Variants in OVOL1 observed in about 807,000 individuals in gnomAD.
OVOL1 encodes the protein putative transcription factor Ovo-like 1.
In OVOL1, 10 loss-of-function variants were observed where a neutral mutation model predicts 21.5. The ratio of observed to expected loss-of-function variants is 0.46; its 90% CI spans 0.29 to 0.79. The LOEUF (loss-of-function observed/expected upper bound fraction) is 0.79, where lower values mean the gene tolerates loss of function less well. Among genes scored for constraint, OVOL1 ranks in the 30% least tolerant of loss-of-function variants. OVOL1 has a pLI of 0.10. For synonymous variants in OVOL1, 129 were observed against 150.3 expected (o/e 0.86, Z 1.03); for missense variants, 279 against 362.3 (o/e 0.77, Z 1.87).
At chr11:65,791,294 C>T (rs1858011947) in intron 1 of OVOL1, among the ~76,000 whole-genome samples, 1 of 152,176 alleles carries the variant, frequency 6.6e-6, no homozygotes, top group Non-Finnish European at 1.5e-5. Context: ...GGGGCACCAG[C>T]CCTTCCTGAT....
In OVOL1 at chr11:65,795,009, G is replaced by T. The variant is rs756274526; in HGVS notation, c.509-37G>T. 1 of 1,597,940 alleles carries T rather than the reference G, an allele frequency of 6.3e-7. No homozygotes were observed. The highest frequency in any genetic ancestry group is 8.5e-7 in the Non-Finnish European group (1 of 1,172,846). On this transcript the variant is annotated intron_variant, in intron 3 of 3. Transcript: ENST00000335987. This position sits in a 1 kb window ranked among gnomAD's most constrained non-coding sequence, Gnocchi z 5.7. Reference sequence around the variant, plus strand: ...GCAGCCGACAGCCTCTGAAGTCCCTGCCAGGTCTCTGATGCTGGCCCCTGT... The same window carrying T: ...GCAGCCGACAGCCTCTGAAGTCCCTTCCAGGTCTCTGATGCTGGCCCCTGT...
rs1364864634 is a variant in OVOL1, at chr11:65,796,866, C to A, written c.*1525C>A. ...CCTTAAAGCCAAACCCCACCTGAAG[C>A]AGAACCACTTTGGCCTCCCCTGCCC... On this transcript the variant is annotated 3_prime_UTR_variant, in exon 4 of 4. Coordinates refer to ENST00000335987, the MANE Select transcript of OVOL1 (RefSeq NM_004561.4). The A allele has an allele frequency of 6.6e-6, 1 of 152,338 alleles. No individual in the cohort carries two copies. Among genetic ancestry groups the A allele is most frequent in the Admixed American group, 6.5e-5 (1 of 15,290 alleles). 9.4% of individuals were successfully genotyped at this position (152,338 alleles called of 1,614,324 possible). A position where few individuals can be genotyped will look rare whatever the true frequency, so the allele number is the denominator to read the frequency against.
In OVOL1 at chr11:65,787,439, C is replaced by T; in HGVS notation, c.66C>T (p.Leu22=). The stretch of plus-strand genomic sequence containing the variant: ...CGTGCAAGAGGAACTGGAGCGAGCT[C>T]CCCGACGAGGAGCGCGGCGAGATCT... ...VSTCKRNWSE[L]PDEERGEIYV... The change falls in exon 1 of 4, where the codon CTC becomes CTT. Residue 22 remains leucine (L), a synonymous_variant. Coordinates refer to ENST00000335987, the MANE Select transcript of OVOL1 (RefSeq NM_004561.4). 1 of 1,590,676 alleles carries T rather than the reference C, an allele frequency of 6.3e-7. No individual in the cohort carries two copies. The highest frequency in any genetic ancestry group is 8.6e-7 in the Non-Finnish European group (1 of 1,168,958).
chr11:65,793,845 A>G (rs990437088), intron 1 of OVOL1, 186 bp from the exon 2 acceptor site: 4 of 599,582 alleles, frequency 6.7e-6, no homozygotes, highest in East Asian at 2.8e-5. Flanking sequence ...ATCACCTGCA[A>G]TTACCTTAAT....
Sources: allele counts gnomAD v4.1 joint callset (sites outside exome capture counted in the v4.1 genomes callset), GRCh38; gene constraint gnomAD v4.1.1; non-coding constraint Gnocchi (gnomAD v3.1); transcripts MANE v1.5; gene names NCBI Gene and HGNC (gene_info 2026-07-23, HGNC 2026-07-21).